The following PCDHA12 variants were observed in gnomAD, a reference collection of about 807,000 sequenced individuals.
The protein encoded by PCDHA12 is protocadherin alpha-12.
Under a neutral mutation model 60.0 loss-of-function variants are expected in PCDHA12, and 44 were observed. The observed-to-expected ratio is 0.73, with a 90% confidence interval of 0.58 to 0.94. PCDHA12 has a LOEUF of 0.94. Ranked by LOEUF, PCDHA12 falls within the 40% of genes least tolerant of loss-of-function variation. The pLI is 0.00. For missense variants in PCDHA12, 1,276 were observed against 1,239.7 expected, an observed-to-expected ratio of 1.03 and a Z score of -0.44; for synonymous variants, 569 against 553.0, an observed-to-expected ratio of 1.03 and a Z score of -0.40.
chr5:140,903,688 A>G (rs1392078626), intron 1 of PCDHA12, among the ~76,000 whole-genome samples: 13 of 152,242 alleles, frequency 8.5e-5, no homozygotes, highest in Admixed American at 7.9e-4. Flanking sequence ...TTTGGTAAAT[A>G]GTTTAAAATA....
At chr5:140,927,064 C>T (rs1409465902) in intron 1 of PCDHA12, 2 of 1,611,234 alleles carry the variant, frequency 1.2e-6, no homozygotes, top group Admixed American at 1.7e-5. Flanking sequence ...CTTTCGCTTC[C>T]TTTCCAGCCA....
At position 140,875,878 on chromosome 5, in the gene PCDHA12, A is replaced by C. The variant is rs782804026; in HGVS notation, c.406A>C (p.Arg136=). The C allele has an allele frequency of 1.2e-6, 2 of 1,614,212 alleles. No individual in the cohort carries two copies. The highest frequency in any genetic ancestry group is 4.5e-5 in the East Asian group (2 of 44,892). Residue 136 remains arginine, a synonymous_variant, in exon 1 of 4, where the codon AGG becomes CGG. Coordinates refer to ENST00000398631, the MANE Select transcript of PCDHA12 (RefSeq NM_018903.4). ...INDNPPVFRE[R]EQKVPVSESA... ...CGACAACCCGCCGGTGTTCAGAGAA[A>C]GGGAACAAAAGGTACCTGTTTCTGA...
intron 1 of PCDHA12, among the ~76,000 whole-genome samples, chr5:140,909,916 C>T (rs1554194012): frequency 6.6e-6 from 1 of 152,138 alleles, no homozygotes; most frequent in African/African-American, 2.4e-5. Context: ...CAATCATTTC[C>T]CTTTCCCCAA....
intron 3 of PCDHA12, among the ~76,000 whole-genome samples, chr5:141,007,395 C>CAAA (rs35800918): frequency 7.4e-5 from 7 of 94,852 alleles, no homozygotes; most frequent in Non-Finnish European, 1.2e-4. Flanking sequence ...TACTAAAATA[C>CAAA]AAAAAAAAAA....
intron 1 of PCDHA12, among the ~76,000 whole-genome samples, chr5:140,910,741 ATAAAT>A (rs2075151736): frequency 6.6e-6 from 1 of 152,142 alleles, no homozygotes; most frequent in African/African-American, 2.4e-5. Flanking sequence ...AACCAAGCAC[ATAAAT>A]TATCAGAACC....
At chr5:140,897,008 T>C (rs1215081415) in intron 1 of PCDHA12, among the ~76,000 whole-genome samples, 13 of 152,154 alleles carry the variant, frequency 8.5e-5, no homozygotes, top group Admixed American at 1.3e-4. Flanking sequence ...TATTTTTAAA[T>C]ATACAACTAA....
At chr5:140,909,045 G>A (rs1407145935) in intron 1 of PCDHA12, among the ~76,000 whole-genome samples, 1 of 152,112 alleles carries the variant, frequency 6.6e-6, no homozygotes, top group African/African-American at 2.4e-5. Flanking sequence ...TCCATACTCT[G>A]GCATGCAAAT....
intron 3 of PCDHA12, among the ~76,000 whole-genome samples, chr5:140,997,912 A>G (rs2097790316): frequency 6.6e-6 from 1 of 152,224 alleles, no homozygotes; most frequent in Admixed American, 6.5e-5. Flanking sequence ...GTAGAATTAC[A>G]GAATCATAGG....
At chr5:140,921,428 T>G (rs1291283426) in intron 1 of PCDHA12, among the ~76,000 whole-genome samples, 1 of 152,190 alleles carries the variant, frequency 6.6e-6, no homozygotes, top group Non-Finnish European at 1.5e-5. Context: ...GACAAAAATT[T>G]TCTTCAATGG....
chr5:140,936,235 GA>G (rs1358431789), intron 1 of PCDHA12, among the ~76,000 whole-genome samples: 2 of 152,076 alleles, frequency 1.3e-5, no homozygotes, highest in African/African-American at 4.8e-5. Context: ...TCCTTTTAAA[GA>G]AAACATATCC....
At chr5:140,887,982 A>T (rs1372528675) in intron 1 of PCDHA12, among the ~76,000 whole-genome samples, 1 of 152,180 alleles carries the variant, frequency 6.6e-6, no homozygotes, top group African/African-American at 2.4e-5. Flanking sequence ...AATTTATTTT[A>T]CATGTCTCCA....
At chr5:140,977,865 G>C (rs2096778412) in intron 1 of PCDHA12, among the ~76,000 whole-genome samples, 4 of 152,172 alleles carry the variant, frequency 2.6e-5, no homozygotes, top group Non-Finnish European at 5.9e-5. Flanking sequence ...ACCAAATATG[G>C]TAAGTATAAT....
chr5:140,877,032 G>A lies in PCDHA12; in HGVS notation c.1560G>A (p.Leu520=), dbSNP rs2056800154. The A allele has an allele frequency of 6.2e-7, 1 of 1,612,266 alleles. No homozygotes were observed. The highest frequency in any genetic ancestry group is 1.3e-5 in the African/African-American group (1 of 74,896). Residue 520 remains leucine, a synonymous_variant, in exon 1 of 4, where the codon CTG becomes CTA. Coordinates refer to ENST00000398631, the MANE Select transcript of PCDHA12 (RefSeq NM_018903.4). ...VHAESGKVYA[L]QPLDHEELEL... ...CGGAGAGCGGCAAGGTGTACGCGCTGCAGCCGCTAGACCACGAGGAGCTGG... is the reference window on the plus strand; with the variant it reads ...CGGAGAGCGGCAAGGTGTACGCGCTACAGCCGCTAGACCACGAGGAGCTGG...
At chr5:140,977,588 A>G (rs1237547807) in intron 1 of PCDHA12, among the ~76,000 whole-genome samples, 1 of 152,182 alleles carries the variant, frequency 6.6e-6, no homozygotes, top group Non-Finnish European at 1.5e-5. Context: ...GAGAGCAGTT[A>G]GCATGTGAGG....
chr5:140,939,488 T>C (rs1554212750), intron 1 of PCDHA12, among the ~76,000 whole-genome samples: 1 of 151,188 alleles, frequency 6.6e-6, no homozygotes, highest in Non-Finnish European at 1.5e-5. Flanking sequence ...AGAATGTTAA[T>C]TATAAATTCA....
At chr5:140,978,491 C>T (rs550205477) in intron 1 of PCDHA12, among the ~76,000 whole-genome samples, 2 of 152,354 alleles carry the variant, frequency 1.3e-5, no homozygotes, top group African/African-American at 4.8e-5. Flanking sequence ...GCAAAGCCAG[C>T]AGCAGATTGC....
chr5:140,935,380 A>C (rs1188418457), intron 1 of PCDHA12, among the ~76,000 whole-genome samples: 1 of 152,220 alleles, frequency 6.6e-6, no homozygotes, highest in Non-Finnish European at 1.5e-5. Context: ...AGAATTACTC[A>C]TTTGTTATCC....
intron 3 of PCDHA12, among the ~76,000 whole-genome samples, chr5:141,003,371 G>A (rs782012251): frequency 2.0e-5 from 3 of 152,148 alleles, no homozygotes; most frequent in African/African-American, 7.2e-5. Flanking sequence ...GAGTGCAGTG[G>A]TGCAATCTCA....
intron 3 of PCDHA12, among the ~76,000 whole-genome samples, chr5:140,989,551 C>A (rs964653534): frequency 1.3e-5 from 2 of 152,178 alleles, no homozygotes; most frequent in Non-Finnish European, 2.9e-5. Context: ...AATTCCTTTA[C>A]GTTTTGTGGC....
Sources: allele counts gnomAD v4.1 joint callset (sites outside exome capture counted in the v4.1 genomes callset), GRCh38; gene constraint gnomAD v4.1.1; transcripts MANE v1.5; gene names NCBI Gene and HGNC (gene_info 2026-07-23, HGNC 2026-07-21).